Variants in NAA25 observed in about 807,000 individuals in gnomAD.
NAA25 encodes N-terminal acetyltransferase B complex subunit NAA25.
NAA25 carries 30 observed loss-of-function variants against 132.5 expected under a neutral mutation model. The observed-to-expected ratio is 0.23, with a 90% confidence interval of 0.17 to 0.31. The LOEUF (loss-of-function observed/expected upper bound fraction) is 0.31, where lower values mean the gene tolerates loss of function less well. Among genes scored for constraint, NAA25 ranks in the 10% least tolerant of loss-of-function variants. The pLI is 1.00. For synonymous variants in NAA25, 359 were observed against 401.9 expected (o/e 0.89, Z 1.28); for missense variants, 771 against 1,150.4 (o/e 0.67, Z 4.77).
chr12:112,069,120 G>A (rs1316269976), intron 10 of NAA25, 128 bp from the exon 11 acceptor site: 23 of 619,270 alleles, frequency 3.7e-5, no homozygotes, highest in Non-Finnish European at 6.3e-5. Context: ...TCCCAAGATA[G>A]CGGGTTATCT....
intron 17 of NAA25, among the ~76,000 whole-genome samples, chr12:112,044,497 C>T (rs908884051): frequency 6.6e-6 from 1 of 151,084 alleles, no homozygotes; most frequent in African/African-American, 2.4e-5. Flanking sequence ...GGTGAAACCC[C>T]GTCTCTACTA....
chr12:112,102,879 G>A (rs546850991), intron 1 of NAA25, among the ~76,000 whole-genome samples: 5 of 152,192 alleles, frequency 3.3e-5, no homozygotes, highest in South Asian at 2.1e-4. Context: ...TAGTAGAGAC[G>A]GAGTTTCACT....
At position 112,043,766 on chromosome 12, in the gene NAA25, G is replaced by T; in HGVS notation, c.2109C>A (p.Leu703=). ...TLRLISGLPS[L]NHPVEPKNSE... ...AGTTCTTTGGCTCCACAGGGTGGTTGAGACTTGGAAGTCCACTTATCAGCC... is the reference window on the plus strand; with the variant it reads ...AGTTCTTTGGCTCCACAGGGTGGTTTAGACTTGGAAGTCCACTTATCAGCC... The change falls in exon 18 of 24, where the codon CTC becomes CTA. Residue 703 remains leucine (L), a synonymous_variant. Transcript: ENST00000261745. 6.2e-7 allele frequency: 1 copy of T among 1,614,136 alleles called. No individual in the cohort carries two copies. Among genetic ancestry groups the T allele is most frequent in the Non-Finnish European group, 8.5e-7 (1 of 1,180,034 alleles).
intron 22 of NAA25, chr12:112,033,815 CAG>C (rs1434133113): frequency 2.0e-5 from 3 of 151,354 alleles, no homozygotes. Flanking sequence ...TCACCTATGA[CAG>C]GGGATTAGTA....
At position 112,043,156 on chromosome 12, in the gene NAA25, C is replaced by T. The variant is rs779457944; in HGVS notation, c.2306G>A (p.Cys769Tyr). ...AAAAGAGCTTATCTGGCACTGAGAA[C>T]AGCCAGAATTAAAGAATCCACCCAT... ...TRMGGFFNSG[C>Y]SQCQISSFYL... is the part of the protein sequence containing the mutation. The change falls in exon 19 of 24, where the codon TGT becomes TAT. Residue 769 changes from cysteine to tyrosine, a missense_variant. By Grantham distance (194) the Cys-to-Tyr change is radical (BLOSUM62 -2). This residue lies in a region of NAA25 where 324 missense variants were observed against 400.0 expected (regional missense o/e 0.81). Coordinates refer to ENST00000261745, the MANE Select transcript of NAA25 (RefSeq NM_024953.4). 5.6e-6 allele frequency: 9 copies of T among 1,613,246 alleles called. No homozygotes were observed. The highest frequency in any genetic ancestry group is 6.8e-6 in the Non-Finnish European group (8 of 1,179,468).
intron 3 of NAA25, 44 bp downstream of exon 3, chr12:112,090,682 A>C: frequency 6.3e-7 from 1 of 1,595,258 alleles, no homozygotes; most frequent in Non-Finnish European, 8.5e-7. Flanking sequence ...AATATCCAAA[A>C]TTTTCAGCTC....
chr12:112,067,617 C>T (rs376352732), intron 11 of NAA25, among the ~76,000 whole-genome samples: 34 of 151,568 alleles, frequency 2.2e-4, no homozygotes, highest in African/African-American at 8.0e-4. Flanking sequence ...GGCTGAGGCA[C>T]GAGGATCACT....
chr12:112,105,260 A>G (rs1593847271), intron 1 of NAA25, among the ~76,000 whole-genome samples: 1 of 152,162 alleles, frequency 6.6e-6, no homozygotes, highest in Non-Finnish European at 1.5e-5. Context: ...TGGAGGTTAC[A>G]GTGAGCCAAG....
At chr12:112,074,007 T>G (rs2078856081) in intron 9 of NAA25, among the ~76,000 whole-genome samples, 1 of 152,094 alleles carries the variant, frequency 6.6e-6, no homozygotes, top group Non-Finnish European at 1.5e-5. Flanking sequence ...TTGCAAATCG[T>G]GTCTAATACA....
intron 13 of NAA25, among the ~76,000 whole-genome samples, chr12:112,055,003 G>A (rs1056581586): frequency 2.0e-5 from 3 of 152,144 alleles, no homozygotes; most frequent in African/African-American, 7.2e-5. Context: ...CAAATAGGAT[G>A]TTTGAAAATA....
At position 112,048,527 on chromosome 12, in the gene NAA25, T is replaced by TCAAA. The variant is rs1185722249; in HGVS notation, c.1729-88_1729-85dup. On this transcript the variant is annotated intron_variant, in intron 15 of 23. Coordinates refer to ENST00000261745, the MANE Select transcript of NAA25 (RefSeq NM_024953.4). The stretch of plus-strand genomic sequence containing the variant: ...AACCTTGCCAGCCAAAACAAAACAC[T>TCAAA]CAAACTAAAATTAAGTTTTAAATCT... 2.6e-6 allele frequency: 3 copies of TCAAA among 1,152,428 alleles called. No individual in the cohort carries two copies. The African/African-American group carries it at 4.6e-5, about 18-fold the overall frequency. 71.4% of individuals were successfully genotyped at this position (1,152,428 alleles called of 1,614,324 possible). A position where few individuals can be genotyped will look rare whatever the true frequency, so the allele number is the denominator to read the frequency against.
At chr12:112,086,814 C>T (rs2079064354) in intron 4 of NAA25, among the ~76,000 whole-genome samples, 1 of 151,890 alleles carries the variant, frequency 6.6e-6, no homozygotes, top group Admixed American at 6.6e-5. Flanking sequence ...GAGTTTGAGA[C>T]CAGCCTGACC....
chr12:112,048,285 T>C lies in NAA25; in HGVS notation c.1880+7A>G, dbSNP rs768156966. The C allele has an allele frequency of 6.2e-7, 1 of 1,610,468 alleles. No homozygotes were observed. The highest frequency in any genetic ancestry group is 1.1e-5 in the South Asian group (1 of 90,802). On this transcript the variant is annotated splice_region_variant and intron_variant, in intron 16 of 23. Transcript: ENST00000261745. ...TAGTTCCTTTATAGCTCTCATGCAA[T>C]ACTTACATATTTGCTTCAAGTAGAA...
chr12:112,036,078 A>G (rs936444834), intron 22 of NAA25, among the ~76,000 whole-genome samples: 1 of 152,238 alleles, frequency 6.6e-6, no homozygotes, highest in Non-Finnish European at 1.5e-5. Context: ...TTAATAAAAC[A>G]GCACATCATG....
In NAA25 at chr12:112,028,535, AG is replaced by A. The variant is rs1427081509; in HGVS notation, c.*995del. 6.6e-6 allele frequency: 1 copy of A among 152,138 alleles called. No homozygotes were observed. Among genetic ancestry groups the A allele is most frequent in the Non-Finnish European group, 1.5e-5 (1 of 68,026 alleles). 9.4% of individuals were successfully genotyped at this position (152,138 alleles called of 1,614,324 possible). ...TTGCCAGCCTAAAACTTAAAGCCTA[AG>A]GCTAAATCCATAATATTACATTCCT... On this transcript the variant is annotated 3_prime_UTR_variant, in exon 24 of 24. Transcript: ENST00000261745.
intron 1 of NAA25, among the ~76,000 whole-genome samples, chr12:112,100,900 G>A (rs891964178): frequency 6.6e-6 from 1 of 152,180 alleles, no homozygotes; most frequent in Non-Finnish European, 1.5e-5. Flanking sequence ...TTACAGGCGT[G>A]AGCCACCACA....
Position 112,090,733 on chromosome 12 carries a change from C to T in NAA25, c.276G>A (p.Met92Ile). 1 of 1,608,896 alleles carries T rather than the reference C, an allele frequency of 6.2e-7. No individual in the cohort carries two copies. The highest frequency in any genetic ancestry group is 8.5e-7 in the Non-Finnish European group (1 of 1,178,656). ...GAAAAGAAAGAAACATACGTCGGTG[C>T]ATCTCCCGGTAAAGGATAGTCAGTG... is the stretch of plus-strand genomic sequence containing the variant. Reference protein sequence around the residue: ...LQALTILYREMHRPELVTKLY... With the variant: ...LQALTILYREIHRPELVTKLY... Residue 92 changes from methionine to isoleucine, a missense_variant, in exon 3 of 24, where the codon ATG becomes ATA. Met to Ile is a conservative substitution (Grantham distance 10, BLOSUM62 1). This residue lies in a region of NAA25 where 417 missense variants were observed against 733.8 expected (regional missense o/e 0.57). Coordinates refer to ENST00000261745, the MANE Select transcript of NAA25 (RefSeq NM_024953.4).
intron 23 of NAA25, among the ~76,000 whole-genome samples, chr12:112,031,688 G>A (rs1252256869): frequency 6.6e-6 from 1 of 151,908 alleles, no homozygotes; most frequent in Non-Finnish European, 1.5e-5. Flanking sequence ...CAGGGCTATT[G>A]TGCCTATCAC....
intron 17 of NAA25, among the ~76,000 whole-genome samples, chr12:112,045,712 T>C (rs1462691711): frequency 1.3e-5 from 2 of 152,018 alleles, no homozygotes; most frequent in African/African-American, 4.8e-5. Flanking sequence ...GGAGAATCCC[T>C]TGAACCCAGG....
Sources: gnomAD v4.1 joint callset for allele counts (sites outside exome capture counted in the v4.1 genomes callset) on GRCh38, gnomAD v4.1.1 for gene constraint, gnomAD v4.1.1 regional missense constraint, MANE v1.5 for transcripts, NCBI Gene and HGNC (gene_info 2026-07-23, HGNC 2026-07-21) for gene names.